The following AREL1 variants were observed in gnomAD, a reference collection of about 807,000 sequenced individuals.
AREL1 encodes the protein apoptosis-resistant E3 ubiquitin protein ligase 1.
A neutral mutation model predicts 99.0 loss-of-function variants in AREL1; 62 were observed. The ratio of observed to expected loss-of-function variants is 0.63; its 90% CI spans 0.51 to 0.77. AREL1 has a LOEUF of 0.77. Ranked by LOEUF, AREL1 falls within the 30% of genes least tolerant of loss-of-function variation. The pLI is 0.00. For synonymous variants in AREL1, 380 were observed against 376.5 expected, an observed-to-expected ratio of 1.01 and a Z score of -0.11; for missense variants, 879 against 1,027.6, an observed-to-expected ratio of 0.86 and a Z score of 1.98.
At chr14:74,671,205 A>G (rs2089331117) in intron 12 of AREL1, among the ~76,000 whole-genome samples, 1 of 151,378 alleles carries the variant, frequency 6.6e-6, no homozygotes, top group Non-Finnish European at 1.5e-5. Flanking sequence ...AAGCTCCTCA[A>G]TGCCATCCTG....
intron 1 of AREL1, 24 bp downstream of exon 1, chr14:74,712,909 C>A (rs2090343389): frequency 1.6e-6 from 1 of 642,042 alleles, no homozygotes; most frequent in Non-Finnish European, 2.9e-6. Context: ...CTGGGCTCTG[C>A]CTAAGGCTGG....
intron 1 of AREL1, chr14:74,712,083 AAAG>A (rs2090321267): frequency 1.2e-5 from 1 of 81,150 alleles, no homozygotes; most frequent in African/African-American, 3.0e-5. Context: ...AAAAAGAAAG[AAAG>A]AAAGAAAGAA....
intron 1 of AREL1, among the ~76,000 whole-genome samples, chr14:74,700,500 C>T (rs1009943206): frequency 1.1e-4 from 16 of 152,144 alleles, no homozygotes; most frequent in East Asian, 5.8e-4. Context: ...AAATTTTAGC[C>T]GGGCGCAGTG....
chr14:74,677,457 T>C (rs1303387301), intron 5 of AREL1, among the ~76,000 whole-genome samples: 1 of 150,968 alleles, frequency 6.6e-6, no homozygotes, highest in Non-Finnish European at 1.5e-5. Context: ...GACCACACCA[T>C]TGCATTCTAG....
At position 74,663,102 on chromosome 14, in the gene AREL1, T is replaced by C. The variant is rs549296165; in HGVS notation, c.*618A>G. On this transcript the variant is annotated 3_prime_UTR_variant, in exon 20 of 20. Transcript: ENST00000356357. The stretch of plus-strand genomic sequence containing the variant: ...CCAGAAATGCCCGAAGGGAAAGTGC[T>C]TTTTCCAGTTCTGACACCACAAAAA... 2 of 156,450 alleles carry C rather than the reference T, an allele frequency of 1.3e-5. No individual in the cohort carries two copies. Among genetic ancestry groups the C allele is most frequent in the South Asian group, 2.0e-4 (1 of 4,934 alleles). The allele number at this position is 156,450 out of a possible 1,614,324, so 9.7% of individuals were successfully genotyped here.
chr14:74,663,960 A>G lies in AREL1; in HGVS notation c.2308T>C (p.Cys770Arg), dbSNP rs1348691709. ...QLPPGGFAAL[C>R]PSFQIIAAPT... ...GCGGCAATAATCTGAAATGAGGGAC[A>G]GAGGGCGGCAAAGCCTCCAGGTGGT... Residue 770 changes from cysteine (C) to arginine (R), a missense_variant, in exon 19 of 20, where the codon TGT (cysteine) becomes CGT (arginine). Transcript: ENST00000356357. 9 of 1,614,196 alleles carry G rather than the reference A, an allele frequency of 5.6e-6. No individual in the cohort carries two copies. The highest frequency in any genetic ancestry group is 7.6e-6 in the Non-Finnish European group (9 of 1,180,016).
At chr14:74,674,516 C>T (rs370424019) in intron 8 of AREL1, among the ~76,000 whole-genome samples, 48 of 152,194 alleles carry the variant, frequency 3.2e-4, no homozygotes, top group African/African-American at 1.1e-3. Context: ...GCACAAGAAT[C>T]GCTTGAACCC....
At chr14:74,675,018 CAGTT>C (rs1933892703) in intron 8 of AREL1, among the ~76,000 whole-genome samples, 1 of 152,082 alleles carries the variant, frequency 6.6e-6, no homozygotes, top group Admixed American at 6.5e-5. Flanking sequence ...ATGTGCAGGT[CAGTT>C]GTTTTCTTGA....
chr14:74,671,415 A>C lies in AREL1; in HGVS notation c.1491T>G (p.Asp497Glu), dbSNP rs371243401. 1.3e-6 allele frequency: 2 copies of C among 1,563,232 alleles called. No homozygotes were observed. The highest frequency in any genetic ancestry group is 1.7e-6 in the Non-Finnish European group (2 of 1,160,010). Residue 497 changes from aspartate (D) to glutamate (E), a missense_variant, in exon 12 of 20, where the codon GAT (aspartate) becomes GAG (glutamate). Transcript: ENST00000356357. ...TAAAATTTCAAAACTGACCTTCTTC[A>C]TCCTGGAAAACAACCTCAAAGTTCT... ...WSKNFEVVFQ[D>E]EEALDWGGPR...
chr14:74,705,768 A>G (rs2090166699), intron 1 of AREL1, among the ~76,000 whole-genome samples: 1 of 152,186 alleles, frequency 6.6e-6, no homozygotes, highest in South Asian at 2.1e-4. Context: ...CTATTGCACC[A>G]TTCTCTCTAA....
chr14:74,667,315 T>C lies in AREL1; in HGVS notation c.2103+4A>G, dbSNP rs768833093. On this transcript the variant is annotated splice_donor_region_variant and intron_variant, in intron 17 of 19. Coordinates refer to ENST00000356357, the MANE Select transcript of AREL1 (RefSeq NM_001039479.2). ...GAATGGGAGTCTGAATTGCAATCACTTACCTCAAGCTCATTCTCATCAAAA... is the reference window on the plus strand; with the variant it reads ...GAATGGGAGTCTGAATTGCAATCACCTACCTCAAGCTCATTCTCATCAAAA... 6.2e-7 allele frequency: 1 copy of C among 1,614,112 alleles called. No individual in the cohort carries two copies. The highest frequency in any genetic ancestry group is 1.7e-5 in the Admixed American group (1 of 60,022).
At chr14:74,664,432 TTTC>T (rs1437530056) in intron 18 of AREL1, among the ~76,000 whole-genome samples, 4 of 150,272 alleles carry the variant, frequency 2.7e-5, no homozygotes, top group Admixed American at 6.7e-5. Context: ...CCCCTACTTT[TTTC>T]TTCTTTTCCT....
At chr14:74,712,060 AAAAAAAAGAAAAAAAAAGAAAG>A in intron 1 of AREL1, 1 of 47,464 alleles carries the variant, frequency 2.1e-5, no homozygotes, top group African/African-American at 8.3e-5. Context: ...AAAAAAAAAA[AAAAAAAAGAAAAAAAAAGAAAG>A]AAAGAAAGAA....
chr14:74,686,806 A>G lies in AREL1; in HGVS notation c.-45-1146T>C, dbSNP rs562580521. Among the ~76,000 whole-genome samples, 7 of 152,320 alleles carry G rather than the reference A, an allele frequency of 4.6e-5. No individual in the cohort carries two copies. In the South Asian group the frequency reaches 1.4e-3, roughly 32 times the overall value. On this transcript the variant is annotated intron_variant, in intron 2 of 19. Transcript: ENST00000356357. ...CAAATCCTACTTAGAGTGATTATCTAAAGTCCTACTAGAAAAGAAATCCAC... is the reference window on the plus strand; with the variant it reads ...CAAATCCTACTTAGAGTGATTATCTGAAGTCCTACTAGAAAAGAAATCCAC...
In AREL1 at chr14:74,669,584, T is replaced by TA. The variant is rs1472118448; in HGVS notation, c.1914+64dup. 3.4e-5 allele frequency: 53 copies of TA among 1,555,010 alleles called. No individual in the cohort carries two copies. In the African/African-American group the frequency reaches 6.1e-4, roughly 18 times the overall value. ...TTTCCACCACTGCAGAAAGTTCTCT[T>TA]AGACAGTCCTGCTCTACAGGAAACT... On this transcript the variant is annotated intron_variant, in intron 15 of 19. Transcript: ENST00000356357.
In AREL1 at chr14:74,664,057, C is replaced by G. The variant is rs1168211912; in HGVS notation, c.2211G>C (p.Trp737Cys). The G allele has an allele frequency of 6.2e-7, 1 of 1,613,682 alleles. No homozygotes were observed. Among genetic ancestry groups the G allele is most frequent in the Admixed American group, 1.7e-5 (1 of 59,958 alleles). ...CCTGGGTCAGACTGGAAACCACAGTCCAAAACCACCTCATGACCTGGCAGG... is the reference window on the plus strand; with the variant it reads ...CCTGGGTCAGACTGGAAACCACAGTGCAAAACCACCTCATGACCTGGCAGG... ...HFREKVMRWF[W>C]TVVSSLTQEE... Residue 737 changes from tryptophan to cysteine, a missense_variant, in exon 19 of 20, where the codon TGG becomes TGC. By Grantham distance (215) the Trp-to-Cys change is radical (BLOSUM62 -2). Transcript: ENST00000356357.
At position 74,667,459 on chromosome 14, in the gene AREL1, T is replaced by C; in HGVS notation, c.2044+6A>G. Reference sequence around the variant, plus strand: ...ACTTCAAGGCCAAGAACAGACAGGATCCCACCTTTTAGGAAATGTTCCACC... The same window carrying C: ...ACTTCAAGGCCAAGAACAGACAGGACCCCACCTTTTAGGAAATGTTCCACC... On this transcript the variant is annotated splice_donor_region_variant and intron_variant, in intron 16 of 19. Transcript: ENST00000356357. 6.2e-7 allele frequency: 1 copy of C among 1,613,722 alleles called. No individual in the cohort carries two copies.
chr14:74,707,685 T>A (rs2090207820), intron 1 of AREL1, among the ~76,000 whole-genome samples: 1 of 151,512 alleles, frequency 6.6e-6, no homozygotes, highest in Non-Finnish European at 1.5e-5. Context: ...TCCCAGCTAC[T>A]TGGGAGGCTG....
rs117416960 is a variant in AREL1 at position 74,695,546 on chromosome 14, C to T, written c.-333-3218G>A. On this transcript the variant is annotated intron_variant, in intron 1 of 19. Coordinates refer to ENST00000356357, the MANE Select transcript of AREL1 (RefSeq NM_001039479.2). ...TCAGTACCTCTACTGAGCTTCAAAA[C>T]TCAACTCAAGCACTCCCCCTTCTCT... Among the ~76,000 whole-genome samples the T allele has an allele frequency of 6.1e-3, 934 of 152,274 alleles. 8 individuals are homozygous for T. Among genetic ancestry groups the T allele is most frequent in the South Asian group, 0.029 (141 of 4,830 alleles).
Sources: gnomAD v4.1 joint callset for allele counts (sites outside exome capture counted in the v4.1 genomes callset) on GRCh38, gnomAD v4.1.1 for gene constraint, MANE v1.5 for transcripts, NCBI Gene and HGNC (gene_info 2026-07-23, HGNC 2026-07-21) for gene names.